KALRN: variants seen among roughly 807,000 people sequenced by gnomAD.
The protein encoded by KALRN is kalirin RhoGEF kinase.
KALRN carries 70 observed loss-of-function variants against 353.7 expected under a neutral mutation model. The ratio of observed to expected loss-of-function variants is 0.20; its 90% CI spans 0.16 to 0.24. The LOEUF (loss-of-function observed/expected upper bound fraction) is 0.24, where lower values mean the gene tolerates loss of function less well. Ranked by LOEUF, KALRN falls within the 10% of genes least tolerant of loss-of-function variation. The pLI, the probability that KALRN is intolerant of heterozygous loss-of-function variation, is 1.00. For synonymous variants in KALRN, 1,391 were observed against 1,434.8 expected (o/e 0.97, Z 0.69); for missense variants, 2,791 against 3,756.7 (o/e 0.74, Z 6.72).
chr3:124,628,742 A>ATTTTTTTTTTT (rs58523719), intron 34 of KALRN, among the ~76,000 whole-genome samples: 3 of 100,096 alleles, frequency 3.0e-5, no homozygotes, highest in African/African-American at 1.4e-4. Flanking sequence ...CACCTGGCTA[A>ATTTTTTTTTTT]TTTTTTTTTT....
chr3:124,175,722 G>T (rs1185986767), intron 1 of KALRN, among the ~76,000 whole-genome samples: 1 of 152,164 alleles, frequency 6.6e-6, no homozygotes, highest in South Asian at 2.1e-4. Flanking sequence ...CCAGGATGTG[G>T]AAGTGTGTAC....
At chr3:124,555,292 G>T (rs1400268444) in intron 33 of KALRN, among the ~76,000 whole-genome samples, 1 of 152,048 alleles carries the variant, frequency 6.6e-6, no homozygotes, top group Non-Finnish European at 1.5e-5. Flanking sequence ...AGCACTTTGC[G>T]AGTCCGAGGT....
At chr3:124,487,757 G>A (rs2062719950) in intron 28 of KALRN, among the ~76,000 whole-genome samples, 1 of 152,192 alleles carries the variant, frequency 6.6e-6, no homozygotes, top group African/African-American at 2.4e-5. Context: ...TAAAAGTGGT[G>A]TCAGCAGTAA....
At chr3:124,710,062 G>A (rs1045305020) in intron 57 of KALRN, among the ~76,000 whole-genome samples, 8 of 152,218 alleles carry the variant, frequency 5.3e-5, no homozygotes, top group African/African-American at 1.9e-4. Context: ...TTCCCAACTG[G>A]ATTATACTCA....
intron 33 of KALRN, among the ~76,000 whole-genome samples, chr3:124,533,684 A>C (rs2068262566): frequency 6.6e-6 from 1 of 152,144 alleles, no homozygotes; most frequent in Admixed American, 6.5e-5. Flanking sequence ...ACTGTTGAGC[A>C]TATGTCATGT....
At chr3:124,361,924 T>C (rs2084090040) in intron 10 of KALRN, among the ~76,000 whole-genome samples, 1 of 151,966 alleles carries the variant, frequency 6.6e-6, no homozygotes. Flanking sequence ...TCTTCCTCCT[T>C]CTCCTCTTCC....
At chr3:124,403,330 A>G (rs1426387709) in intron 13 of KALRN, among the ~76,000 whole-genome samples, 1 of 152,226 alleles carries the variant, frequency 6.6e-6, no homozygotes, top group East Asian at 1.9e-4. Context: ...TTTTTCTACC[A>G]TCATTGGATA....
rs1334041254 is a variant in KALRN, at chr3:124,563,060, A to C, written c.5153A>C (p.Glu1718Ala). Residue 1718 changes from glutamate to alanine, a missense_variant, in exon 34 of 60, where the codon GAG becomes GCG. Glu to Ala is a moderately radical substitution (Grantham distance 107). This residue lies in a region of KALRN where 239 missense variants were observed against 351.3 expected (regional missense o/e 0.68). Coordinates refer to ENST00000682506, the MANE Select transcript of KALRN (RefSeq NM_001388419.1). ...LCISHSRSSV[E>A]MDCFFPLVKD... ...ATCTCACACTCCCGAAGCAGCGTGG[A>C]GATGGACTGCTTCTTCCCCTTGGTG... 1 of 1,367,784 alleles carries C rather than the reference A, an allele frequency of 7.3e-7. No homozygotes were observed. Among genetic ancestry groups the C allele is most frequent in the East Asian group, 4.5e-5 (1 of 21,992 alleles). 84.7% of individuals were successfully genotyped at this position (1,367,784 alleles called of 1,614,324 possible).
chr3:124,618,455 A>G (rs185656359), intron 34 of KALRN, among the ~76,000 whole-genome samples: 16 of 152,174 alleles, frequency 1.1e-4, no homozygotes, highest in Admixed American at 3.9e-4. Context: ...CTGGTAGGAG[A>G]ACAAAACTGG....
intron 34 of KALRN, among the ~76,000 whole-genome samples, chr3:124,586,042 C>T (rs926952326): frequency 2.0e-5 from 3 of 152,166 alleles, no homozygotes; most frequent in Admixed American, 1.3e-4. Flanking sequence ...ACTTTTCCTG[C>T]GCGTCATTAA....
intron 34 of KALRN, among the ~76,000 whole-genome samples, chr3:124,611,344 C>A (rs1055856320): frequency 1.3e-5 from 2 of 152,110 alleles, no homozygotes; most frequent in East Asian, 3.8e-4. Context: ...AGTTGAGATA[C>A]CAGGTGACTT....
chr3:124,530,014 C>T (rs749028882), intron 33 of KALRN, among the ~76,000 whole-genome samples: 3 of 152,154 alleles, frequency 2.0e-5, no homozygotes, highest in Non-Finnish European at 4.4e-5. Context: ...TGCCCCACCC[C>T]CATCTCATTC....
intron 33 of KALRN, among the ~76,000 whole-genome samples, chr3:124,509,459 C>T (rs912643638): frequency 2.0e-5 from 3 of 152,200 alleles, no homozygotes; most frequent in African/African-American, 4.8e-5. Context: ...CCACCCACTT[C>T]GGCCTCCCAA....
chr3:124,642,811 T>TTTTTTTTTGTTGTTTTTG (rs2082228639), intron 37 of KALRN, among the ~76,000 whole-genome samples: 1 of 138,536 alleles, frequency 7.2e-6, no homozygotes, highest in African/African-American at 2.7e-5. Context: ...GCCTCGTTTT[T>TTTTTTTTTGTTGTTTTTG]TTTTTTTTTT....
intron 33 of KALRN, among the ~76,000 whole-genome samples, chr3:124,515,908 T>C (rs550879678): frequency 3.9e-5 from 6 of 152,330 alleles, no homozygotes; most frequent in Non-Finnish European, 7.3e-5. Context: ...AATAATGGCT[T>C]CCTGGATAAC....
At chr3:124,659,554 C>A in intron 43 of KALRN, 97 bp downstream of exon 43, 2 of 816,696 alleles carry the variant, frequency 2.4e-6, no homozygotes, top group South Asian at 1.4e-5. Flanking sequence ...CTGTCTCCAC[C>A]ACACTGTCCC....
intron 57 of KALRN, among the ~76,000 whole-genome samples, chr3:124,705,872 C>T (rs1248509759): frequency 6.7e-6 from 1 of 149,722 alleles, no homozygotes; most frequent in Non-Finnish European, 1.5e-5. Flanking sequence ...TTCCTTCCTC[C>T]CTCTTTCTCT....
intron 34 of KALRN, among the ~76,000 whole-genome samples, chr3:124,597,304 T>C (rs1445745557): frequency 6.6e-6 from 1 of 152,134 alleles, no homozygotes; most frequent in African/African-American, 2.4e-5. Context: ...AGTTGGGAGC[T>C]ATTCCATAAA....
intron 1 of KALRN, among the ~76,000 whole-genome samples, chr3:124,187,727 G>T (rs1457170581): frequency 1.3e-5 from 2 of 152,156 alleles, no homozygotes; most frequent in Non-Finnish European, 2.9e-5. Context: ...AAAAGAAAGG[G>T]AACAGGCCAA....
Sources: allele counts gnomAD v4.1 joint callset (sites outside exome capture counted in the v4.1 genomes callset), GRCh38; gene constraint gnomAD v4.1.1; regional missense constraint gnomAD v4.1.1; transcripts MANE v1.5; gene names NCBI Gene and HGNC (gene_info 2026-07-23, HGNC 2026-07-21).